NEK10: variants seen among roughly 807,000 people sequenced by gnomAD.
The protein encoded by NEK10 is serine/threonine-protein kinase Nek10.
In NEK10, 122 loss-of-function variants were observed where a neutral mutation model predicts 159.8. That is an observed-to-expected ratio of 0.76 (90% CI 0.66 to 0.89). The LOEUF (loss-of-function observed/expected upper bound fraction) is 0.89, where lower values mean the gene tolerates loss of function less well. NEK10 is among the 40% of genes least tolerant of loss of function. The probability of loss-of-function intolerance (pLI) is 0.00; values close to 1 mark genes in which losing one functional copy is unlikely to be tolerated. For missense variants in NEK10, 1,342 were observed against 1,323.1 expected (o/e 1.01, Z -0.22); for synonymous variants, 466 against 457.1 (o/e 1.02, Z -0.25).
chr3:27,305,073 C>A (rs2044130379), intron 11 of NEK10, 102 bp from the exon 12 acceptor site: 9 of 741,148 alleles, frequency 1.2e-5, no homozygotes, highest in Non-Finnish European at 1.8e-5. Flanking sequence ...ATAACCCTAA[C>A]ATTTTGTAAG....
chr3:27,286,076 A>ATTTT (rs2042571286), intron 20 of NEK10, among the ~76,000 whole-genome samples: 4 of 96,212 alleles, frequency 4.2e-5, no homozygotes, highest in African/African-American at 1.6e-4. Context: ...GCCATTTCCA[A>ATTTT]TTCTTTTTTT....
rs563815440 is a variant in NEK10 at position 27,199,753 on chromosome 3, A to G, written c.2291+1757T>C. On this transcript the variant is annotated intron_variant, in intron 25 of 35. Coordinates refer to ENST00000691995, the MANE Select transcript of NEK10 (RefSeq NM_001394966.1). ...GCTGGATAAAGAAAATATGGTATAT[A>G]CACACCATGGAATACTATGTAGCCA... 1.4e-3 allele frequency among the ~76,000 whole-genome samples: 220 copies of G among 152,356 alleles called. 1 individual carries two copies. Among genetic ancestry groups the G allele is most frequent in the African/African-American group, 5.2e-3 (215 of 41,588 alleles).
intron 31 of NEK10, among the ~76,000 whole-genome samples, chr3:27,141,093 G>T (rs931959155): frequency 6.6e-6 from 1 of 152,050 alleles, no homozygotes; most frequent in Non-Finnish European, 1.5e-5. Flanking sequence ...TCTCTGAAAG[G>T]TCCTATTTTC....
intron 5 of NEK10, among the ~76,000 whole-genome samples, chr3:27,338,066 G>T (rs1051552234): frequency 2.6e-5 from 4 of 151,982 alleles, no homozygotes; most frequent in Admixed American, 2.6e-4. Flanking sequence ...TTTACATCAG[G>T]TATTTCTCCT....
chr3:27,170,121 G>C (rs1325180729), intron 29 of NEK10, among the ~76,000 whole-genome samples: 1 of 152,118 alleles, frequency 6.6e-6, no homozygotes, highest in South Asian at 2.1e-4. Flanking sequence ...ACATAAGTTA[G>C]CTAAAGTCAG....
At chr3:27,232,110 C>T (rs1953352307) in intron 23 of NEK10, among the ~76,000 whole-genome samples, 1 of 151,562 alleles carries the variant, frequency 6.6e-6, no homozygotes, top group Admixed American at 6.6e-5. Context: ...TAACCAAATC[C>T]AACAGCATAT....
chr3:27,357,801 A>G (rs1419320256), intron 1 of NEK10, among the ~76,000 whole-genome samples: 2 of 152,282 alleles, frequency 1.3e-5, no homozygotes, highest in East Asian at 3.9e-4. Context: ...TGAGAACCAC[A>G]GCCCTAAGTA....
At chr3:27,233,235 A>G (rs1403029480) in intron 23 of NEK10, among the ~76,000 whole-genome samples, 1 of 152,146 alleles carries the variant, frequency 6.6e-6, no homozygotes, top group East Asian at 1.9e-4. Flanking sequence ...GGCAAAGCAC[A>G]TGAATAGACA....
At chr3:27,240,761 C>T (rs1360961725) in intron 23 of NEK10, among the ~76,000 whole-genome samples, 1 of 151,480 alleles carries the variant, frequency 6.6e-6, no homozygotes, top group Non-Finnish European at 1.5e-5. Flanking sequence ...AAGCAATTCT[C>T]CTGCCTCAGC....
intron 19 of NEK10, among the ~76,000 whole-genome samples, chr3:27,289,363 C>T (rs926150463): frequency 6.6e-6 from 1 of 152,198 alleles, no homozygotes; most frequent in East Asian, 1.9e-4. Flanking sequence ...CTTCTGCCTG[C>T]CACTACCTCC....
At chr3:27,368,651 T>TG (rs778004431) in intron 1 of NEK10, among the ~76,000 whole-genome samples, 32 of 152,098 alleles carry the variant, frequency 2.1e-4, no homozygotes, top group Non-Finnish European at 3.7e-4. Context: ...ATGGGGAAGA[T>TG]GGCGTTCAGG....
chr3:27,156,277 C>G (rs1320694807), intron 30 of NEK10, among the ~76,000 whole-genome samples: 1 of 151,870 alleles, frequency 6.6e-6, no homozygotes, highest in African/African-American at 2.4e-5. Flanking sequence ...AAAGCAAATG[C>G]AATAAAAACA....
intron 30 of NEK10, among the ~76,000 whole-genome samples, chr3:27,150,926 T>C (rs1213847106): frequency 6.6e-6 from 1 of 152,094 alleles, no homozygotes; most frequent in Non-Finnish European, 1.5e-5. Context: ...CTGAGAGGAT[T>C]CACAGACCCT....
At chr3:27,233,275 G>GCAA (rs1186997280) in intron 23 of NEK10, among the ~76,000 whole-genome samples, 1 of 151,810 alleles carries the variant, frequency 6.6e-6, no homozygotes, top group Non-Finnish European at 1.5e-5. Context: ...GAAACAACCA[G>GCAA]CAAACATATG....
At position 27,358,700 on chromosome 3, in the gene NEK10, C is replaced by A. The variant is rs77667319; in HGVS notation, c.-37-5781G>T. Reference sequence around the variant, plus strand: ...GTTTTCAGATCTCTACCCAGAAACCCGTTTTTATTCCATGGTTGCCTTAGC... The same window carrying A: ...GTTTTCAGATCTCTACCCAGAAACCAGTTTTTATTCCATGGTTGCCTTAGC... On this transcript the variant is annotated intron_variant, in intron 1 of 35. Coordinates refer to ENST00000691995, the MANE Select transcript of NEK10 (RefSeq NM_001394966.1). Among the ~76,000 whole-genome samples, 20 of 152,210 alleles carry A rather than the reference C, an allele frequency of 1.3e-4. 1 individual carries two copies. Among genetic ancestry groups the A allele is most frequent in the Non-Finnish European group, 2.6e-4 (18 of 68,002 alleles).
chr3:27,288,833 G>A (rs752674836), intron 19 of NEK10, among the ~76,000 whole-genome samples: 1 of 152,042 alleles, frequency 6.6e-6, no homozygotes, highest in African/African-American at 2.4e-5. Context: ...TCTCTTTTTG[G>A]TCTTTCTGCA....
At chr3:27,323,297 T>TA (rs1448816630) in intron 5 of NEK10, among the ~76,000 whole-genome samples, 1 of 152,162 alleles carries the variant, frequency 6.6e-6, no homozygotes, top group African/African-American at 2.4e-5. Flanking sequence ...ACTGAAGCTG[T>TA]TGCCATTCGC....
At chr3:27,238,315 C>A (rs1954169154) in intron 23 of NEK10, among the ~76,000 whole-genome samples, 1 of 152,096 alleles carries the variant, frequency 6.6e-6, no homozygotes, top group Non-Finnish European at 1.5e-5. Flanking sequence ...TGTGTGTTCA[C>A]ATAGAAAGGA....
At chr3:27,269,957 G>A (rs1343423282) in intron 22 of NEK10, among the ~76,000 whole-genome samples, 2 of 152,086 alleles carry the variant, frequency 1.3e-5, no homozygotes, top group African/African-American at 4.8e-5. Flanking sequence ...TAGTGAATTA[G>A]GCCACCTCTC....
Sources: gnomAD v4.1 joint callset for allele counts (sites outside exome capture counted in the v4.1 genomes callset) on GRCh38, gnomAD v4.1.1 for gene constraint, MANE v1.5 for transcripts, NCBI Gene and HGNC (gene_info 2026-07-23, HGNC 2026-07-21) for gene names.